SAMSN1: variants seen among roughly 807,000 people sequenced by gnomAD.
SAMSN1 encodes the protein SAM domain, SH3 domain and nuclear localization signals 1.
SAMSN1 carries 31 observed loss-of-function variants against 42.0 expected under a neutral mutation model. That is an observed-to-expected ratio of 0.74 (90% confidence interval 0.55 to 1.00). SAMSN1 has a LOEUF of 1.00. Among genes scored for constraint, SAMSN1 ranks in the 50% least tolerant of loss-of-function variants. The pLI is 0.00. For missense variants in SAMSN1, 464 were observed against 439.4 expected (o/e 1.06, Z -0.50); for synonymous variants, 178 against 151.9 (o/e 1.17, Z -1.26).
intron 2 of SAMSN1, among the ~76,000 whole-genome samples, chr21:14,561,135 T>A (rs1041683327): frequency 6.6e-6 from 1 of 152,132 alleles, no homozygotes; most frequent in East Asian, 1.9e-4. Context: ...GATTGGTTTT[T>A]TGAGGTATCT....
At chr21:14,592,513 C>CT (rs1322943465) in intron 7 of SAMSN1, 3 of 208,196 alleles carry the variant, frequency 1.4e-5, no homozygotes, top group African/African-American at 7.0e-5. Context: ...CTTCTCCTCT[C>CT]TGCACTTCAG....
intron 1 of SAMSN1, among the ~76,000 whole-genome samples, chr21:14,531,339 C>T (rs1979256210): frequency 6.6e-6 from 1 of 151,848 alleles, no homozygotes; most frequent in Non-Finnish European, 1.5e-5. Context: ...ATCTAAAAGA[C>T]AAACTATTAA....
chr21:14,621,869 C>T (rs926026051), intron 2 of SAMSN1, among the ~76,000 whole-genome samples: 3 of 152,214 alleles, frequency 2.0e-5, no homozygotes, highest in Non-Finnish European at 4.4e-5. Context: ...CTAGGAGGCA[C>T]ACCCCAGTAC....
chr21:14,601,429 G>C (rs1000952463), intron 6 of SAMSN1, among the ~76,000 whole-genome samples: 4 of 152,246 alleles, frequency 2.6e-5, no homozygotes, highest in Admixed American at 2.0e-4. Flanking sequence ...AAGAAGTTCA[G>C]TTCTAAATTT....
At chr21:14,624,451 A>G (rs1029698636) in intron 2 of SAMSN1, among the ~76,000 whole-genome samples, 1 of 152,216 alleles carries the variant, frequency 6.6e-6, no homozygotes, top group African/African-American at 2.4e-5. Context: ...GGATATCATC[A>G]CCAATCCCAC....
rs531332511 is a variant in SAMSN1 at position 14,523,992 on chromosome 21, T to G, written c.58-2771A>C. On this transcript the variant is annotated intron_variant, in intron 1 of 7. Coordinates refer to ENST00000400566, the MANE Select transcript of SAMSN1 (RefSeq NM_022136.5). ...TATGCCATAGGAGTATATCAATCCA[T>G]GTTAAGACACCCTTAAGAAGAAAAT... Among the ~76,000 whole-genome samples the G allele has an allele frequency of 3.3e-5, 5 of 152,304 alleles. No individual in the cohort carries two copies. The South Asian group carries it at 1.0e-3, about 32-fold the overall frequency.
At chr21:14,585,012 G>A (rs2822796), upstream of SAMSN1, among the ~76,000 whole-genome samples, 1,188 of 100,184 alleles carry the variant, frequency 0.012, 56 homozygotes, top group Admixed American at 0.12. Context: ...GAAATGTGAC[G>A]TTTTTGTCAG....
intron 4 of SAMSN1, among the ~76,000 whole-genome samples, chr21:14,611,568 T>G (rs1982708530): frequency 1.3e-5 from 2 of 152,240 alleles, no homozygotes; most frequent in South Asian, 4.1e-4. Context: ...TTGTACTGTA[T>G]GTGCATGCAG....
At chr21:14,544,590 C>T (rs1027167022) in intron 1 of SAMSN1, among the ~76,000 whole-genome samples, 3 of 152,148 alleles carry the variant, frequency 2.0e-5, no homozygotes, top group Non-Finnish European at 4.4e-5. Flanking sequence ...TCATTCACAA[C>T]AAAACTTAGC....
At chr21:14,535,629 TG>T (rs1882220474) in intron 1 of SAMSN1, among the ~76,000 whole-genome samples, 1 of 152,144 alleles carries the variant, frequency 6.6e-6, no homozygotes, top group African/African-American at 2.4e-5. Flanking sequence ...AAGTAAAAAA[TG>T]TGACCATTAG....
intron 5 of SAMSN1, among the ~76,000 whole-genome samples, chr21:14,605,299 C>A (rs1443181246): frequency 6.6e-6 from 1 of 152,194 alleles, no homozygotes; most frequent in Non-Finnish European, 1.5e-5. Flanking sequence ...TTCAGAAAGC[C>A]TTCCTCGGCT....
chr21:14,570,914 G>C (rs1467836553), intron 2 of SAMSN1, among the ~76,000 whole-genome samples: 1 of 152,134 alleles, frequency 6.6e-6, no homozygotes, highest in East Asian at 1.9e-4. Flanking sequence ...AGCATAACCT[G>C]TAAGACCATA....
At chr21:14,542,265 C>G (rs1017248915) in intron 1 of SAMSN1, among the ~76,000 whole-genome samples, 3 of 152,120 alleles carry the variant, frequency 2.0e-5, no homozygotes, top group Admixed American at 6.5e-5. Context: ...ATATTAAGAA[C>G]AGAAGTATTG....
intron 1 of SAMSN1, among the ~76,000 whole-genome samples, chr21:14,542,652 C>T (rs1306184940): frequency 6.6e-6 from 1 of 152,030 alleles, no homozygotes; most frequent in Admixed American, 6.6e-5. Flanking sequence ...AGAGGTAAAA[C>T]AGCCAGTTGT....
intron 2 of SAMSN1, among the ~76,000 whole-genome samples, chr21:14,581,450 C>T (rs1350167466): frequency 1.4e-5 from 2 of 142,502 alleles, no homozygotes; most frequent in East Asian, 4.2e-4. Context: ...GCTCCACCTC[C>T]TGGGTTCACG....
chr21:14,533,319 T>C (rs1332417145), intron 1 of SAMSN1, among the ~76,000 whole-genome samples: 1 of 152,188 alleles, frequency 6.6e-6, no homozygotes, highest in Non-Finnish European at 1.5e-5. Context: ...TTTAACCAAA[T>C]ACTGAGACGA....
intron 1 of SAMSN1, among the ~76,000 whole-genome samples, chr21:14,527,735 T>C (rs902184609): frequency 1.4e-5 from 2 of 139,356 alleles, no homozygotes; most frequent in Non-Finnish European, 3.0e-5. Context: ...ATCTCCAAGA[T>C]TACCTGAAGG....
chr21:14,554,440 C>T (rs1175471513), intron 2 of SAMSN1, among the ~76,000 whole-genome samples: 1 of 151,990 alleles, frequency 6.6e-6, no homozygotes, highest in African/African-American at 2.4e-5. Context: ...GAATATATTC[C>T]ATTATCTTTC....
At chr21:14,575,126 C>A (rs1056372585) in intron 2 of SAMSN1, among the ~76,000 whole-genome samples, 1 of 152,086 alleles carries the variant, frequency 6.6e-6, no homozygotes, top group Non-Finnish European at 1.5e-5. Flanking sequence ...TTAGGAGGCA[C>A]CTTACGTGAC....
Sources: allele counts gnomAD v4.1 joint callset (sites outside exome capture counted in the v4.1 genomes callset), GRCh38; gene constraint gnomAD v4.1.1; transcripts MANE v1.5; gene names NCBI Gene and HGNC (gene_info 2026-07-23, HGNC 2026-07-21).